FGD4: variants seen among roughly 807,000 people sequenced by gnomAD.
FGD4 encodes the protein FYVE, RhoGEF and PH domain containing 4.
Under a neutral mutation model 102.0 loss-of-function variants are expected in FGD4, and 42 were observed. The ratio of observed to expected loss-of-function variants is 0.41; its 90% CI spans 0.32 to 0.53. The LOEUF is 0.53. FGD4 is among the 20% of genes least tolerant of loss of function. The probability of loss-of-function intolerance (pLI) is 0.21; values close to 1 mark genes in which losing one functional copy is unlikely to be tolerated. For missense variants in FGD4, 902 were observed against 1,078.2 expected (o/e 0.84, Z 2.29); for synonymous variants, 380 against 375.7 (o/e 1.01, Z -0.13).
intron 1 of FGD4, among the ~76,000 whole-genome samples, chr12:32,562,415 T>C (rs1407768853): frequency 1.3e-5 from 2 of 152,350 alleles, no homozygotes; most frequent in East Asian, 1.9e-4. Context: ...ATTTAACTTA[T>C]TTTATTTTTC....
chr12:32,617,097 A>T (rs146542105), intron 10 of FGD4, among the ~76,000 whole-genome samples: 1 of 152,272 alleles, frequency 6.6e-6, no homozygotes, highest in Non-Finnish European at 1.5e-5. Flanking sequence ...TGACCCAAAC[A>T]CTTACCATTA....
At chr12:32,613,009 AATCATAATAAT>A (rs1242088473) in intron 10 of FGD4, among the ~76,000 whole-genome samples, 1 of 152,198 alleles carries the variant, frequency 6.6e-6, no homozygotes, top group East Asian at 1.9e-4. Flanking sequence ...TGATAATAAG[AATCATAATAAT>A]ATGCATTGAC....
chr12:32,497,620 T>C (rs978146630), intron 1 of FGD4, among the ~76,000 whole-genome samples: 1 of 152,130 alleles, frequency 6.6e-6, no homozygotes, highest in Non-Finnish European at 1.5e-5. Flanking sequence ...CAATTTATAA[T>C]ACAAACCATT....
In FGD4 at chr12:32,404,916, C is replaced by T. The variant is rs1591836723; in HGVS notation, c.166+4957C>T. Among the ~76,000 whole-genome samples the T allele has an allele frequency of 2.6e-5, 4 of 152,044 alleles. No individual in the cohort carries two copies. In the South Asian group the frequency reaches 8.3e-4, roughly 32 times the overall value. ...TCTTATAAGAATTTCCTTCCAAGAACAGCTTATTTATTTTTATTTTTTATT... is the reference window on the plus strand; with the variant it reads ...TCTTATAAGAATTTCCTTCCAAGAATAGCTTATTTATTTTTATTTTTTATT... On this transcript the variant is annotated intron_variant, in intron 1 of 16. Coordinates refer to ENST00000534526, the MANE Select transcript of FGD4 (RefSeq NM_001370298.3).
chr12:32,608,280 G>C (rs930910677), intron 8 of FGD4, among the ~76,000 whole-genome samples, 185 bp downstream of exon 8: 2 of 152,208 alleles, frequency 1.3e-5, no homozygotes, highest in African/African-American at 4.8e-5. Context: ...AAAATGACAA[G>C]TTTAGAGCAA....
chr12:32,408,582 T>C (rs958844608), intron 1 of FGD4, among the ~76,000 whole-genome samples: 2 of 152,156 alleles, frequency 1.3e-5, no homozygotes, highest in African/African-American at 4.8e-5. Context: ...TTTTAAACCT[T>C]GAAATTTTCT....
intron 1 of FGD4, among the ~76,000 whole-genome samples, chr12:32,437,898 G>A (rs1319518911): frequency 6.6e-6 from 1 of 152,110 alleles, no homozygotes; most frequent in Non-Finnish European, 1.5e-5. Flanking sequence ...ATGCAGGAAT[G>A]GATCTTTTCT....
intron 1 of FGD4, among the ~76,000 whole-genome samples, chr12:32,407,613 T>G (rs923431725): frequency 6.6e-6 from 1 of 152,236 alleles, no homozygotes; most frequent in African/African-American, 2.4e-5. Flanking sequence ...CTCTGCACTT[T>G]CTGGCATACT....
At chr12:32,534,605 T>C in intron 1 of FGD4, 1 of 650,816 alleles carries the variant, frequency 1.5e-6, no homozygotes, top group Middle Eastern at 4.3e-4. Context: ...TTGGTTTTCT[T>C]TTAAAGTTAA....
intron 1 of FGD4, among the ~76,000 whole-genome samples, chr12:32,520,569 G>A (rs1318946687): frequency 6.6e-6 from 1 of 151,700 alleles, no homozygotes; most frequent in African/African-American, 2.4e-5. Flanking sequence ...CTGAGTAGCT[G>A]GGATGACAGG....
At chr12:32,511,891 A>G (rs182278856) in intron 1 of FGD4, 42 of 152,274 alleles carry the variant, frequency 2.8e-4, no homozygotes, top group African/African-American at 1.0e-3. Context: ...TCTCAGAAAA[A>G]GACAAATTTC....
chr12:32,416,547 A>G (rs115643998), intron 1 of FGD4, among the ~76,000 whole-genome samples: 3,797 of 152,212 alleles, frequency 0.025, 170 homozygotes, highest in African/African-American at 0.087. Flanking sequence ...ATAAAACACA[A>G]CAATTAGTAT....
chr12:32,568,898 C>G (rs534463026), intron 2 of FGD4, among the ~76,000 whole-genome samples: 14 of 152,230 alleles, frequency 9.2e-5, no homozygotes, highest in African/African-American at 2.4e-4. Context: ...CTATTTACAT[C>G]TATAAATTTG....
At chr12:32,483,517 T>G (rs1358540114) in intron 1 of FGD4, among the ~76,000 whole-genome samples, 1 of 152,180 alleles carries the variant, frequency 6.6e-6, no homozygotes, top group Non-Finnish European at 1.5e-5. Context: ...CCCTCCAAAC[T>G]GCCAAAACAT....
intron 1 of FGD4, among the ~76,000 whole-genome samples, chr12:32,446,345 C>T (rs1200126836): frequency 1.3e-5 from 2 of 152,036 alleles, no homozygotes; most frequent in Admixed American, 1.3e-4. Context: ...CACCCTCACC[C>T]CCTCAACATT....
chr12:32,459,618 A>G (rs890709775), intron 1 of FGD4, among the ~76,000 whole-genome samples: 1 of 152,222 alleles, frequency 6.6e-6, no homozygotes, highest in Non-Finnish European at 1.5e-5. Flanking sequence ...AAATAAAAAT[A>G]CAAATAAAAT....
chr12:32,626,347 G>A (rs1048721096), intron 14 of FGD4, among the ~76,000 whole-genome samples: 3 of 151,826 alleles, frequency 2.0e-5, no homozygotes, highest in African/African-American at 7.3e-5. Context: ...GGGAGGCTGA[G>A]GCAGGAGAAT....
At chr12:32,441,171 GAT>G (rs1942424920) in intron 1 of FGD4, among the ~76,000 whole-genome samples, 1 of 152,138 alleles carries the variant, frequency 6.6e-6, no homozygotes, top group Non-Finnish European at 1.5e-5. Context: ...TAAGGTGCAA[GAT>G]GAAGTCCCCT....
chr12:32,627,305 C>A (rs997074988), intron 14 of FGD4, among the ~76,000 whole-genome samples: 1 of 152,066 alleles, frequency 6.6e-6, no homozygotes, highest in Admixed American at 6.6e-5. Context: ...TGGGCATGCA[C>A]CACCACGCCT....
Sources: allele counts gnomAD v4.1 joint callset (sites outside exome capture counted in the v4.1 genomes callset), GRCh38; gene constraint gnomAD v4.1.1; transcripts MANE v1.5; gene names NCBI Gene and HGNC (gene_info 2026-07-23, HGNC 2026-07-21).